UBE2L3: variants seen among roughly 807,000 people sequenced by gnomAD.
The protein encoded by UBE2L3 is ubiquitin-conjugating enzyme E2 L3.
A neutral mutation model predicts 17.8 loss-of-function variants in UBE2L3; 1 was observed. The observed-to-expected ratio is 0.06, with a 90% CI of 0.02 to 0.27. The LOEUF (loss-of-function observed/expected upper bound fraction) is 0.27, where lower values mean the gene tolerates loss of function less well. UBE2L3 is among the 10% of genes least tolerant of loss of function. The pLI, the probability that UBE2L3 is intolerant of heterozygous loss-of-function variation, is 1.00. For missense variants in UBE2L3, 40 were observed against 192.6 expected, an observed-to-expected ratio of 0.21 and a Z score of 4.69; for synonymous variants, 44 against 68.5, an observed-to-expected ratio of 0.64 and a Z score of 1.76.
chr22:21,576,801 CTTTTTTTTT>C (rs757829734), intron 1 of UBE2L3, among the ~76,000 whole-genome samples: 1 of 118,142 alleles, frequency 8.5e-6, no homozygotes, highest in African/African-American at 3.4e-5. Flanking sequence ...CTTCTCTTTC[CTTTTTTTTT>C]TTTTTTTTTT....
chr22:21,591,772 G>T (rs1211036136), intron 1 of UBE2L3, among the ~76,000 whole-genome samples: 5 of 152,184 alleles, frequency 3.3e-5, no homozygotes, highest in African/African-American at 1.2e-4. Flanking sequence ...AAGCAGCCTG[G>T]CGAAGGAGGC....
chr22:21,602,023 G>A (rs906478450), intron 2 of UBE2L3, among the ~76,000 whole-genome samples: 2 of 151,240 alleles, frequency 1.3e-5, no homozygotes, highest in African/African-American at 4.9e-5. Flanking sequence ...AGGGCAAGCC[G>A]CGTCCCCTTG....
chr22:21,568,375 CG>C (rs1926762746), intron 1 of UBE2L3: 4 of 985,304 alleles, frequency 4.1e-6, no homozygotes, highest in Non-Finnish European at 3.6e-6. Flanking sequence ...AGTCACACAG[CG>C]GGTAAGTTCC....
At chr22:21,614,645 GCCAC>G in intron 3 of UBE2L3, 1 of 1,366,140 alleles carries the variant, frequency 7.3e-7, no homozygotes, top group Non-Finnish European at 9.8e-7. Context: ...GCTGACTTTA[GCCAC>G]CCACAAGTAC....
At chr22:21,605,851 T>C (rs941728937) in intron 2 of UBE2L3, among the ~76,000 whole-genome samples, 3 of 151,870 alleles carry the variant, frequency 2.0e-5, no homozygotes, top group Non-Finnish European at 4.4e-5. Flanking sequence ...TCACCCAGGC[T>C]AGAGTGTAGA....
chr22:21,561,284 A>G lies in UBE2L3; in HGVS notation c.201+11634A>G, dbSNP rs71314779. On this transcript the variant is annotated intron_variant, in intron 1 of 3. Coordinates refer to the UBE2L3 transcript ENST00000458578. ...ATGCTGGGTGCTGCCTTTGCACTCA[A>G]AAGGGTCCAGGCTAGGTGTGGTGGC... 2.9e-3 allele frequency among the ~76,000 whole-genome samples: 437 copies of G among 152,248 alleles called. 2 individuals are homozygous for G. The highest frequency in any genetic ancestry group is 9.8e-3 in the African/African-American group (406 of 41,494).
intron 3 of UBE2L3, among the ~76,000 whole-genome samples, chr22:21,617,861 T>C (rs541243791): frequency 1.3e-5 from 2 of 152,254 alleles, no homozygotes; most frequent in South Asian, 2.1e-4. Context: ...GAAATACTTA[T>C]CAGAACTACT....
intron 3 of UBE2L3, among the ~76,000 whole-genome samples, chr22:21,614,268 CATTT>C (rs1399434616): frequency 6.6e-6 from 1 of 152,192 alleles, no homozygotes; most frequent in Non-Finnish European, 1.5e-5. Flanking sequence ...ACCATTCCTT[CATTT>C]GTTTCTTAAA....
At chr22:21,583,018 G>T (rs2148412775) in intron 1 of UBE2L3, among the ~76,000 whole-genome samples, 1 of 152,220 alleles carries the variant, frequency 6.6e-6, no homozygotes, top group East Asian at 1.9e-4. Context: ...TCTGCATAGG[G>T]GTATTAAACA....
intron 1 of UBE2L3, among the ~76,000 whole-genome samples, chr22:21,580,304 T>C (rs1034687997): frequency 2.0e-5 from 3 of 152,226 alleles, no homozygotes; most frequent in African/African-American, 7.2e-5. Flanking sequence ...GGGGCTAATA[T>C]GCCCCACTTG....
At chr22:21,601,963 A>T (rs1328068194) in intron 2 of UBE2L3, among the ~76,000 whole-genome samples, 1 of 124,164 alleles carries the variant, frequency 8.1e-6, no homozygotes, top group Non-Finnish European at 1.7e-5. Flanking sequence ...CAGAGACTCC[A>T]TCTCAAAAAA....
At position 21,567,961 on chromosome 22, in the gene UBE2L3, C is replaced by T. The variant is rs1459267015; in HGVS notation, c.27+190C>T. 1.3e-5 allele frequency: 18 copies of T among 1,379,016 alleles called. No individual in the cohort carries two copies. The South Asian group carries it at 1.7e-4, about 13-fold the overall frequency. 85.4% of individuals were successfully genotyped at this position (1,379,016 alleles called of 1,614,324 possible). On this transcript the variant is annotated intron_variant, in intron 1 of 3. Coordinates refer to ENST00000342192, the MANE Select transcript of UBE2L3 (RefSeq NM_003347.4). Reference sequence around the variant, plus strand: ...GCCTAGGCCGCAGCCTGGGCGGGAGCGCAAGGCCGCGCTGGGAGCCGCTGT... The same window carrying T: ...GCCTAGGCCGCAGCCTGGGCGGGAGTGCAAGGCCGCGCTGGGAGCCGCTGT...
At chr22:21,581,836 G>T (rs1029282219) in intron 1 of UBE2L3, among the ~76,000 whole-genome samples, 2 of 151,404 alleles carry the variant, frequency 1.3e-5, no homozygotes, top group African/African-American at 4.9e-5. Context: ...AACAAGCTGT[G>T]CCCAGTAGCT....
chr22:21,618,596 A>T (rs956790051), intron 3 of UBE2L3, among the ~76,000 whole-genome samples: 29 of 143,310 alleles, frequency 2.0e-4, no homozygotes, highest in Admixed American at 2.8e-4. Flanking sequence ...TATATATATT[A>T]TTTTTTTTTT....
At chr22:21,616,521 G>C (rs4821114) in intron 3 of UBE2L3, among the ~76,000 whole-genome samples, 28,340 of 151,722 alleles carry the variant, frequency 0.19, 3,464 homozygotes, top group East Asian at 0.41. Context: ...GCACGGTGGC[G>C]TGCACCTGTA....
At chr22:21,576,858 C>T (rs1256218868) in intron 1 of UBE2L3, among the ~76,000 whole-genome samples, 1 of 137,142 alleles carries the variant, frequency 7.3e-6, no homozygotes. Context: ...AGCTGGAGTG[C>T]AGTGGCACGA....
At position 21,621,933 on chromosome 22, in the gene UBE2L3, C is replaced by G; in HGVS notation, c.*264C>G. 2.6e-6 allele frequency: 1 copy of G among 381,642 alleles called. No individual in the cohort carries two copies. Among genetic ancestry groups the G allele is most frequent in the Non-Finnish European group, 4.6e-6 (1 of 215,572 alleles). 23.6% of individuals were successfully genotyped at this position (381,642 alleles called of 1,614,324 possible). A position where few individuals can be genotyped will look rare whatever the true frequency, so the allele number is the denominator to read the frequency against. On this transcript the variant is annotated 3_prime_UTR_variant, in exon 4 of 4. Coordinates refer to ENST00000342192, the MANE Select transcript of UBE2L3 (RefSeq NM_003347.4). ...AATCTACTTCAAAAGAATGGTGTTT[C>G]TTTTCTTGTCCAATTTTATCCAAAA...
At chr22:21,608,624 C>G (rs2148439530) in intron 2 of UBE2L3, among the ~76,000 whole-genome samples, 1 of 152,088 alleles carries the variant, frequency 6.6e-6, no homozygotes, top group Non-Finnish European at 1.5e-5. Context: ...AGGGTTTTAC[C>G]ACGTTGGCCA....
intron 1 of UBE2L3, among the ~76,000 whole-genome samples, chr22:21,586,627 G>A (rs1161277395): frequency 6.6e-6 from 1 of 150,938 alleles, no homozygotes; most frequent in African/African-American, 2.4e-5. Flanking sequence ...AAGTGCAGTG[G>A]TGTGATTGCA....
Sources: allele counts gnomAD v4.1 joint callset (sites outside exome capture counted in the v4.1 genomes callset), GRCh38; gene constraint gnomAD v4.1.1; transcripts MANE v1.5; gene names NCBI Gene and HGNC (gene_info 2026-07-23, HGNC 2026-07-21).